UST: variants seen among roughly 807,000 people sequenced by gnomAD.
UST encodes uronyl 2-sulfotransferase, also known as chondroitin sulfate 2-O-sulfotransferase.
In UST, 21 loss-of-function variants were observed where a neutral mutation model predicts 45.6. The observed-to-expected ratio is 0.46, with a 90% CI of 0.33 to 0.66. The LOEUF is 0.66. UST is among the 30% of genes least tolerant of loss of function. The pLI is 0.02. For missense variants in UST, 463 were observed against 512.4 expected, an observed-to-expected ratio of 0.90 and a Z score of 0.93; for synonymous variants, 215 against 200.6, an observed-to-expected ratio of 1.07 and a Z score of -0.61.
intron 2 of UST, among the ~76,000 whole-genome samples, chr6:148,920,488 C>G (rs895532571): frequency 1.3e-5 from 2 of 152,040 alleles, no homozygotes; most frequent in Admixed American, 6.6e-5. Context: ...CTCCCTTTTT[C>G]CACTCCAACC....
intron 1 of UST, among the ~76,000 whole-genome samples, chr6:148,786,086 A>T (rs903034673): frequency 5.3e-5 from 8 of 151,646 alleles, no homozygotes; most frequent in African/African-American, 1.7e-4. Context: ...TGCTACCATG[A>T]CAGATCTTTT....
chr6:148,917,151 G>A (rs1484461530), intron 2 of UST, among the ~76,000 whole-genome samples: 1 of 152,202 alleles, frequency 6.6e-6, no homozygotes, highest in Non-Finnish European at 1.5e-5. Context: ...GGCCTGGGGA[G>A]GAAAGGCTGC....
At chr6:149,020,997 C>G (rs1337651646) in intron 6 of UST, among the ~76,000 whole-genome samples, 1 of 152,230 alleles carries the variant, frequency 6.6e-6, no homozygotes, top group East Asian at 1.9e-4. Flanking sequence ...ATTCTACTCA[C>G]CCCTTGATTA....
At chr6:148,759,779 T>C (rs750750295) in intron 1 of UST, among the ~76,000 whole-genome samples, 9 of 120,138 alleles carry the variant, frequency 7.5e-5, no homozygotes, top group Non-Finnish European at 1.1e-4. Flanking sequence ...ACCCGGGAGG[T>C]GGAGCTTGCA....
At chr6:148,941,081 T>C (rs935738299) in intron 2 of UST, among the ~76,000 whole-genome samples, 198 bp from the exon 3 acceptor site, 21 of 152,222 alleles carry the variant, frequency 1.4e-4, no homozygotes, top group African/African-American at 5.1e-4. Context: ...AAGACCAACA[T>C]TTCTCTTGTT....
chr6:148,958,685 C>T (rs1361003768), intron 4 of UST, among the ~76,000 whole-genome samples: 1 of 152,150 alleles, frequency 6.6e-6, no homozygotes, highest in Non-Finnish European at 1.5e-5. Context: ...ACTAGAAAGC[C>T]TTGCAACAGA....
At chr6:148,831,591 A>G (rs1377958867) in intron 1 of UST, among the ~76,000 whole-genome samples, 3 of 152,208 alleles carry the variant, frequency 2.0e-5, no homozygotes, top group Admixed American at 2.0e-4. Context: ...TAATCCTAAC[A>G]GTAACCCTCA....
At chr6:148,758,908 T>A (rs1776148427) in intron 1 of UST, among the ~76,000 whole-genome samples, 1 of 152,250 alleles carries the variant, frequency 6.6e-6, no homozygotes, top group South Asian at 2.1e-4. Context: ...AGCTTCCTGC[T>A]TTAACACAAA....
At chr6:148,808,360 C>CT (rs1195481485) in intron 1 of UST, among the ~76,000 whole-genome samples, 3 of 152,106 alleles carry the variant, frequency 2.0e-5, no homozygotes, top group African/African-American at 7.2e-5. Context: ...CTTAAAAATA[C>CT]TTTTTACCAG....
In UST at chr6:148,922,350, A is replaced by C. The variant is rs1185742344; in HGVS notation, c.292-18929A>C. ...GCATTTCATATAAGTGGAATCATAC[A>C]ATATACAATATGTGGCCTTTATGTC... On this transcript the variant is annotated intron_variant, in intron 2 of 7. Transcript: ENST00000367463. 2.9e-5 allele frequency among the ~76,000 whole-genome samples: 3 copies of C among 101,866 alleles called. No individual in the cohort carries two copies. The Admixed American group carries it at 3.2e-4, about 11-fold the overall frequency. 66.8% of individuals were successfully genotyped at this position (101,866 alleles called of 152,430 possible).
intron 7 of UST, among the ~76,000 whole-genome samples, chr6:149,052,056 G>A (rs1390777609): frequency 2.0e-5 from 3 of 152,202 alleles, no homozygotes; most frequent in Non-Finnish European, 4.4e-5. Flanking sequence ...GGTGGGGAAA[G>A]TTGATCTATA....
intron 2 of UST, among the ~76,000 whole-genome samples, chr6:148,894,819 T>TC (rs1779088539): frequency 9.3e-6 from 1 of 107,682 alleles, no homozygotes; most frequent in South Asian, 3.2e-4. Flanking sequence ...CAGTGCTTTT[T>TC]TTTTTTTTTT....
intron 2 of UST, among the ~76,000 whole-genome samples, chr6:148,932,654 C>T (rs1363290231): frequency 6.6e-6 from 1 of 152,130 alleles, no homozygotes; most frequent in African/African-American, 2.4e-5. Flanking sequence ...TTTCCTGAAG[C>T]ACTCTTCAAG....
intron 1 of UST, among the ~76,000 whole-genome samples, chr6:148,802,915 G>T (rs1777079023): frequency 6.6e-6 from 1 of 152,130 alleles, no homozygotes; most frequent in Non-Finnish European, 1.5e-5. Context: ...GAGCTTCATT[G>T]TTTTGTAAGG....
intron 1 of UST, among the ~76,000 whole-genome samples, chr6:148,877,754 G>C (rs1366746679): frequency 3.7e-5 from 5 of 135,184 alleles, no homozygotes; most frequent in Non-Finnish European, 7.8e-5. Flanking sequence ...GGTCGTGTAT[G>C]AGTGTGAGGG....
chr6:148,958,638 T>A (rs1169026358), intron 4 of UST, among the ~76,000 whole-genome samples: 1 of 152,232 alleles, frequency 6.6e-6, no homozygotes, highest in Non-Finnish European at 1.5e-5. Context: ...CTTTCCAACA[T>A]CAACAGCATC....
At position 149,073,764 on chromosome 6, in the gene UST, G is replaced by C; in HGVS notation, c.938-69G>C. On this transcript the variant is annotated intron_variant, in intron 7 of 7. Transcript: ENST00000367463. ...CTACCAGAGTTGTACAGGTAATGTG[G>C]GTCCTCGCCGGGATCCCTTCTAAGC... 4.5e-6 allele frequency: 7 copies of C among 1,554,314 alleles called. No homozygotes were observed. The South Asian group carries it at 7.3e-5, about 16-fold the overall frequency.
intron 5 of UST, among the ~76,000 whole-genome samples, chr6:148,999,763 A>T (rs1781513403): frequency 7.2e-6 from 1 of 139,240 alleles, no homozygotes; most frequent in African/African-American, 2.5e-5. Flanking sequence ...CACTCCTTAC[A>T]TCCCAGGTTA....
chr6:148,950,118 T>G (rs2500511), intron 3 of UST, among the ~76,000 whole-genome samples: 127,137 of 152,190 alleles, frequency 0.84, 53,646 homozygotes, highest in African/African-American at 0.96. Flanking sequence ...CATTGACTTA[T>G]TTCAGTGGTT....
Sources: gnomAD v4.1 joint callset for allele counts (sites outside exome capture counted in the v4.1 genomes callset) on GRCh38, gnomAD v4.1.1 for gene constraint, MANE v1.5 for transcripts, NCBI Gene and HGNC (gene_info 2026-07-23, HGNC 2026-07-21) for gene names.